Variants in SIK3 observed in about 807,000 individuals in gnomAD.
SIK3 encodes serine/threonine-protein kinase SIK3.
In SIK3, 28 loss-of-function variants were observed where a neutral mutation model predicts 144.2. The observed-to-expected ratio is 0.19, with a 90% CI of 0.14 to 0.27. The LOEUF (loss-of-function observed/expected upper bound fraction) is 0.27. Among genes scored for constraint, SIK3 ranks in the 10% least tolerant of loss-of-function variants. The pLI is 1.00. For synonymous variants in SIK3, 686 were observed against 676.3 expected, an observed-to-expected ratio of 1.01 and a Z score of -0.22; for missense variants, 1,319 against 1,776.0, an observed-to-expected ratio of 0.74 and a Z score of 4.62.
intron 1 of SIK3, among the ~76,000 whole-genome samples, chr11:117,023,621 A>AAAATATAT (rs754624841): frequency 5.9e-4 from 56 of 95,398 alleles, no homozygotes; most frequent in African/African-American, 2.0e-3. Flanking sequence ...AAAAAAAAAA[A>AAAATATAT]ATATATATAT....
chr11:117,084,296 G>A (rs1241225600), intron 1 of SIK3, among the ~76,000 whole-genome samples: 6 of 152,160 alleles, frequency 3.9e-5, no homozygotes, highest in Admixed American at 1.3e-4. Flanking sequence ...ATGGAGTCTC[G>A]CTCTGTGGCC....
chr11:116,939,318 T>C (rs1360087193), intron 3 of SIK3, among the ~76,000 whole-genome samples: 1 of 152,192 alleles, frequency 6.6e-6, no homozygotes, highest in Non-Finnish European at 1.5e-5. Flanking sequence ...TGGTTAATTT[T>C]TGTATTTTCA....
chr11:116,897,575 C>G (rs1374748438), intron 4 of SIK3, among the ~76,000 whole-genome samples: 1 of 152,104 alleles, frequency 6.6e-6, no homozygotes, highest in Non-Finnish European at 1.5e-5. Context: ...CAGAATAAAG[C>G]GAGTGGTACT....
At chr11:116,898,319 G>A (rs1390824076) in intron 4 of SIK3, among the ~76,000 whole-genome samples, 3 of 152,066 alleles carry the variant, frequency 2.0e-5, no homozygotes, top group African/African-American at 7.2e-5. Flanking sequence ...ATTTTCTATG[G>A]CTGCATAGTA....
intron 4 of SIK3, among the ~76,000 whole-genome samples, chr11:116,915,713 T>C (rs534802072): frequency 6.6e-6 from 1 of 152,340 alleles, no homozygotes; most frequent in East Asian, 1.9e-4. Flanking sequence ...GTAAGAACCA[T>C]GGCCAAACAA....
At chr11:116,984,786 G>A (rs1041637345) in intron 1 of SIK3, among the ~76,000 whole-genome samples, 2 of 152,126 alleles carry the variant, frequency 1.3e-5, no homozygotes, top group African/African-American at 4.8e-5. Context: ...AGGCCATTAC[G>A]CAATTTGTGG....
intron 12 of SIK3, 114 bp from the exon 13 acceptor site, chr11:116,873,750 G>A: frequency 2.7e-6 from 4 of 1,465,622 alleles, no homozygotes; most frequent in Non-Finnish European, 3.7e-6. Context: ...ACAGAGACTA[G>A]AGGACGCTTC....
chr11:116,943,193 T>A (rs1213403093), intron 3 of SIK3, among the ~76,000 whole-genome samples: 1 of 137,978 alleles, frequency 7.2e-6, no homozygotes, highest in African/African-American at 2.9e-5. Flanking sequence ...AAAAAAAAAA[T>A]TACTTCAAAA....
At chr11:116,896,186 C>T (rs1945388532) in intron 6 of SIK3, 67 bp downstream of exon 6, 1 of 1,588,036 alleles carries the variant, frequency 6.3e-7, no homozygotes, top group African/African-American at 1.3e-5. Flanking sequence ...CACTAAATTC[C>T]TGGGATAACT....
chr11:116,886,277 A>T (rs2134660668), intron 6 of SIK3, among the ~76,000 whole-genome samples: 2 of 152,324 alleles, frequency 1.3e-5, no homozygotes, highest in East Asian at 3.9e-4. Context: ...AGTGTGTCTC[A>T]AAAGGTATGA....
chr11:116,885,974 A>G (rs74505326), intron 6 of SIK3, among the ~76,000 whole-genome samples: 2,662 of 152,362 alleles, frequency 0.017, 45 homozygotes, highest in Non-Finnish European at 0.022. Flanking sequence ...AAAGTGGTCA[A>G]TAAATGTTGA....
chr11:116,980,717 T>C (rs1185130290), intron 1 of SIK3, among the ~76,000 whole-genome samples: 2 of 152,092 alleles, frequency 1.3e-5, no homozygotes, highest in Admixed American at 6.6e-5. Context: ...CTGAGTATAG[T>C]GGTGCCTGCC....
At chr11:117,056,812 A>T (rs1403994650) in intron 1 of SIK3, among the ~76,000 whole-genome samples, 1 of 152,214 alleles carries the variant, frequency 6.6e-6, no homozygotes, top group Non-Finnish European at 1.5e-5. Context: ...AAATTCAAGG[A>T]TGGTCCACCT....
intron 4 of SIK3, among the ~76,000 whole-genome samples, chr11:116,916,955 T>A (rs1363163750): frequency 1.3e-5 from 2 of 150,852 alleles, no homozygotes; most frequent in Admixed American, 6.6e-5. Context: ...AAGTAAAAAA[T>A]TTTATTGTTT....
intron 3 of SIK3, among the ~76,000 whole-genome samples, chr11:116,953,503 T>A (rs1450587865): frequency 6.6e-6 from 1 of 152,238 alleles, no homozygotes; most frequent in Non-Finnish European, 1.5e-5. Context: ...TCTGACATTG[T>A]GCTAAAGCTA....
chr11:117,023,613 AAAAAAAAAAT>A lies in SIK3; in HGVS notation c.274-66559_274-66550del, dbSNP rs1565567917. ...ACAAACAAACAAACAAACAAACAAA[AAAAAAAAAAT>A]ATATATATATATATATATATATTGC... On this transcript the variant is annotated intron_variant, in intron 1 of 24. Transcript: ENST00000445177. Among the ~76,000 whole-genome samples the A allele has an allele frequency of 8.5e-4, 73 of 85,592 alleles. No homozygotes were observed. In the East Asian group the frequency reaches 0.017, roughly 20 times the overall value. 56.2% of individuals were successfully genotyped at this position (85,592 alleles called of 152,430 possible).
At chr11:116,994,414 T>C (rs770768892) in intron 1 of SIK3, among the ~76,000 whole-genome samples, 6 of 152,220 alleles carry the variant, frequency 3.9e-5, no homozygotes, top group African/African-American at 1.2e-4. Flanking sequence ...GGAGCCACAC[T>C]GACTGCTCTA....
intron 13 of SIK3, 92 bp downstream of exon 13, chr11:116,873,389 T>A (rs1461207250): frequency 6.5e-7 from 1 of 1,542,346 alleles, no homozygotes; most frequent in Non-Finnish European, 8.9e-7. Flanking sequence ...AATTCAGACA[T>A]GTAGGTTGGC....
intron 1 of SIK3, among the ~76,000 whole-genome samples, chr11:117,065,320 A>C (rs892363308): frequency 5.3e-5 from 8 of 152,032 alleles, no homozygotes; most frequent in African/African-American, 9.7e-5. Flanking sequence ...TGGATATTAA[A>C]TTTTAATTAT....
Sources: gnomAD v4.1 joint callset for allele counts (sites outside exome capture counted in the v4.1 genomes callset) on GRCh38, gnomAD v4.1.1 for gene constraint, MANE v1.5 for transcripts, NCBI Gene and HGNC (gene_info 2026-07-23, HGNC 2026-07-21) for gene names.